CFH: variants seen among roughly 807,000 people sequenced by gnomAD.
CFH encodes H factor 1 (complement).
In CFH, 53 loss-of-function variants were observed where a neutral mutation model predicts 147.3. The observed-to-expected ratio is 0.36, with a 90% confidence interval of 0.29 to 0.45. CFH has a LOEUF of 0.45. CFH is among the 20% of genes least tolerant of loss of function. CFH has a pLI of 1.00. For synonymous variants in CFH, 536 were observed against 489.4 expected (o/e 1.10, Z -1.26); for missense variants, 1,380 against 1,498.0 (o/e 0.92, Z 1.30).
At chr1:196,701,313 C>T in intron 9 of CFH, 1 of 1,613,780 alleles carries the variant, frequency 6.2e-7, no homozygotes, top group Non-Finnish European at 8.5e-7. Context: ...TTCAATCTTT[C>T]CCAGGCTTTA....
At chr1:196,734,268 T>C (rs1337936436) in intron 15 of CFH, among the ~76,000 whole-genome samples, 1 of 152,126 alleles carries the variant, frequency 6.6e-6, no homozygotes, top group Non-Finnish European at 1.5e-5. Context: ...TTTACTGGTC[T>C]TTCATTTTCT....
chr1:196,705,577 T>G (rs1668567051), intron 9 of CFH, among the ~76,000 whole-genome samples: 1 of 152,160 alleles, frequency 6.6e-6, no homozygotes, highest in South Asian at 2.1e-4. Context: ...GCCATTTGAT[T>G]TGTTCATACA....
intron 11 of CFH, among the ~76,000 whole-genome samples, chr1:196,722,026 A>G (rs561438351): frequency 8.5e-5 from 13 of 152,178 alleles, no homozygotes; most frequent in Admixed American, 4.6e-4. Context: ...TAAGTGGAAC[A>G]TTTAATCTAT....
intron 9 of CFH, among the ~76,000 whole-genome samples, chr1:196,692,761 TC>T (rs1668091510): frequency 2.6e-5 from 1 of 38,564 alleles, no homozygotes; most frequent in Non-Finnish European, 4.7e-5. Context: ...TTTCTTTCTT[TC>T]TTTCTTTCTT....
chr1:196,688,735 T>C lies in CFH; in HGVS notation c.965-685T>C, dbSNP rs1408084849. On this transcript the variant is annotated intron_variant, in intron 7 of 21. Transcript: ENST00000367429. ...AAGCGATTCTCCTGCCTCTGCTTTCTAAGTAGCTGGAATTACAGGGGCGCA... is the reference window on the plus strand; with the variant it reads ...AAGCGATTCTCCTGCCTCTGCTTTCCAAGTAGCTGGAATTACAGGGGCGCA... Among the ~76,000 whole-genome samples the C allele has an allele frequency of 5.3e-5, 8 of 152,212 alleles. No homozygotes were observed. The East Asian group carries it at 5.8e-4, about 11-fold the overall frequency.
At chr1:196,691,724 T>C (rs1668029504) in intron 9 of CFH, among the ~76,000 whole-genome samples, 1 of 151,962 alleles carries the variant, frequency 6.6e-6, no homozygotes, top group South Asian at 2.1e-4. Context: ...TCTTTCCTTT[T>C]TTCTGCATTA....
chr1:196,676,130 A>T, intron 4 of CFH, 65 bp downstream of exon 4: 1 of 1,002,378 alleles, frequency 1.0e-6, no homozygotes, highest in Non-Finnish European at 1.5e-6. Flanking sequence ...AAAGTCTTAC[A>T]TTAAAATATC....
At chr1:196,739,987 A>C (rs551093220) in intron 17 of CFH, among the ~76,000 whole-genome samples, 12 of 152,326 alleles carry the variant, frequency 7.9e-5, no homozygotes, top group African/African-American at 2.9e-4. Context: ...CCTTCTTCAC[A>C]TGATGACAGG....
chr1:196,728,557 A>G, intron 15 of CFH, 35 bp downstream of exon 15: 2 of 1,600,676 alleles, frequency 1.2e-6, no homozygotes, highest in Non-Finnish European at 1.7e-6. Flanking sequence ...AATGTATTCT[A>G]TTTCTCATTT....
At chr1:196,742,123 C>G (rs1365718688) in intron 19 of CFH, 72 bp downstream of exon 19, 2 of 1,490,614 alleles carry the variant, frequency 1.3e-6, no homozygotes, top group Admixed American at 3.4e-5. Flanking sequence ...GCCTGTAATC[C>G]CAGCACTTTG....
intron 10 of CFH, among the ~76,000 whole-genome samples, chr1:196,714,701 A>AGAGAGAGAGG (rs1553278116): frequency 0.02 from 1,356 of 68,928 alleles, 132 homozygotes; most frequent in Middle Eastern, 0.027. Context: ...AGAGAGAGAG[A>AGAGAGAGAGG]GAGAGAGAGA....
At chr1:196,733,385 A>G (rs1044308371) in intron 15 of CFH, among the ~76,000 whole-genome samples, 3 of 151,864 alleles carry the variant, frequency 2.0e-5, no homozygotes, top group Non-Finnish European at 4.4e-5. Flanking sequence ...AAGACCATCT[A>G]TTTGCTTTAC....
chr1:196,667,632 G>A (rs1314606133), intron 1 of CFH, among the ~76,000 whole-genome samples: 1 of 151,930 alleles, frequency 6.6e-6, no homozygotes. Context: ...CTTTTATCCA[G>A]TCAGACAATC....
In CFH at chr1:196,726,881, T is replaced by C; in HGVS notation, c.2177T>C (p.Ile726Thr). Residue 726 changes from isoleucine to threonine, a missense_variant, in exon 14 of 22, where the codon ATT becomes ACT. Around this residue, in one of 4 missense-constraint regions of CFH, gnomAD observed 830 missense variants for 821.4 expected, o/e 1.01. Transcript: ENST00000367429. ...AATTGCTCAGAATCATTTACAATGA[T>C]TGGACACAGATCAATTACGTGTATT... is the stretch of plus-strand genomic sequence containing the variant. ...EFNCSESFTM[I>T]GHRSITCIHG... 1.9e-6 allele frequency: 3 copies of C among 1,613,844 alleles called. No homozygotes were observed. The highest frequency in any genetic ancestry group is 2.5e-6 in the Non-Finnish European group (3 of 1,179,806).
At chr1:196,677,820 C>A in intron 5 of CFH, 153 bp downstream of exon 5, 1 of 700,576 alleles carries the variant, frequency 1.4e-6, no homozygotes, top group Non-Finnish European at 2.5e-6. Flanking sequence ...AAGTTCTTTG[C>A]ATGCATCATT....
intron 18 of CFH, 176 bp from the exon 19 acceptor site, chr1:196,741,699 T>A: frequency 1.7e-6 from 1 of 604,516 alleles, no homozygotes. Context: ...TTAATAGATT[T>A]AGAAGAATTT....
At chr1:196,731,059 T>C (rs923876958) in intron 15 of CFH, among the ~76,000 whole-genome samples, 2 of 151,900 alleles carry the variant, frequency 1.3e-5, no homozygotes, top group Non-Finnish European at 2.9e-5. Context: ...ATAGAATATA[T>C]TCCATTTCCA....
Position 196,675,927 on chromosome 1 carries a change from C to T in CFH, c.351-62C>T, listed in dbSNP as rs930595650. On this transcript the variant is annotated intron_variant, in intron 3 of 21. Coordinates refer to ENST00000367429, the MANE Select transcript of CFH (RefSeq NM_000186.4). ...AGTTTCTGGACACTCAGAATGGCAT[C>T]GAGTTTAAAACTGCATGTAAACACA... 16 of 1,028,502 alleles carry T rather than the reference C, an allele frequency of 1.6e-5. No homozygotes were observed. In the South Asian group the frequency reaches 1.7e-4, roughly 11 times the overall value. The allele number at this position is 1,028,502 out of a possible 1,614,324, so 63.7% of individuals were successfully genotyped here.
chr1:196,661,201 T>C (rs1414099149), intron 1 of CFH, among the ~76,000 whole-genome samples: 1 of 152,202 alleles, frequency 6.6e-6, no homozygotes, highest in African/African-American at 2.4e-5. Context: ...AGTTCACTAA[T>C]ACAAATTTGC....
Sources: allele counts gnomAD v4.1 joint callset (sites outside exome capture counted in the v4.1 genomes callset), GRCh38; gene constraint gnomAD v4.1.1; regional missense constraint gnomAD v4.1.1; transcripts MANE v1.5; gene names NCBI Gene and HGNC (gene_info 2026-07-23, HGNC 2026-07-21).